Variants in PITPNB observed in about 807,000 individuals in gnomAD.
PITPNB encodes phosphatidylinositol transfer protein beta.
Under a neutral mutation model 45.9 loss-of-function variants are expected in PITPNB, and 16 were observed. The ratio of observed to expected loss-of-function variants is 0.35; its 90% CI spans 0.24 to 0.53. The LOEUF (loss-of-function observed/expected upper bound fraction) is 0.53, where lower values mean the gene tolerates loss of function less well. PITPNB is among the 20% of genes least tolerant of loss of function. The pLI, the probability that PITPNB is intolerant of heterozygous loss-of-function variation, is 0.93. For missense variants in PITPNB, 188 were observed against 330.5 expected (o/e 0.57, Z 3.34); for synonymous variants, 112 against 108.9 (o/e 1.03, Z -0.18).
chr22:27,896,498 T>G, intron 6 of PITPNB, 54 bp downstream of exon 6: 1 of 1,140,000 alleles, frequency 8.8e-7, no homozygotes, highest in Non-Finnish European at 1.3e-6. Flanking sequence ...GAACTACATA[T>G]AGAATTCTCG....
chr22:27,915,579 C>T (rs1458462714), intron 1 of PITPNB, among the ~76,000 whole-genome samples: 2 of 152,126 alleles, frequency 1.3e-5, no homozygotes, highest in East Asian at 3.9e-4. Context: ...ACTCCCTCCC[C>T]TTTGACTACT....
intron 3 of PITPNB, among the ~76,000 whole-genome samples, chr22:27,902,388 GT>G (rs1935622147): frequency 6.6e-6 from 1 of 152,154 alleles, no homozygotes; most frequent in African/African-American, 2.4e-5. Flanking sequence ...ACGTCACAGA[GT>G]TTAGATTTTA....
intron 8 of PITPNB, among the ~76,000 whole-genome samples, chr22:27,865,733 A>G (rs2146355910): frequency 6.6e-6 from 1 of 152,264 alleles, no homozygotes; most frequent in East Asian, 1.9e-4. Context: ...AGGAACAAAA[A>G]AGATAACTAT....
At chr22:27,866,545 A>G (rs1389421062) in intron 8 of PITPNB, among the ~76,000 whole-genome samples, 1 of 152,214 alleles carries the variant, frequency 6.6e-6, no homozygotes, top group African/African-American at 2.4e-5. Context: ...GAGATTTAAC[A>G]TTTTTTAAAA....
chr22:27,899,284 C>A (rs555353886), intron 3 of PITPNB, among the ~76,000 whole-genome samples: 9 of 152,190 alleles, frequency 5.9e-5, no homozygotes, highest in Non-Finnish European at 8.8e-5. Context: ...TTAATGTCTT[C>A]ACATCCTTAA....
At chr22:27,915,446 C>T (rs1381377501) in intron 1 of PITPNB, among the ~76,000 whole-genome samples, 1 of 151,806 alleles carries the variant, frequency 6.6e-6, no homozygotes, top group East Asian at 1.9e-4. Flanking sequence ...AGTAATAAAA[C>T]CCAGATTATA....
At chr22:27,882,343 C>T (rs1447347066) in intron 7 of PITPNB, among the ~76,000 whole-genome samples, 1 of 152,068 alleles carries the variant, frequency 6.6e-6, no homozygotes, top group Non-Finnish European at 1.5e-5. Context: ...ATGAAAAGAA[C>T]TAAATGTATG....
chr22:27,873,624 A>AT, intron 8 of PITPNB, 114 bp downstream of exon 8: 1 of 686,472 alleles, frequency 1.5e-6, no homozygotes, highest in Non-Finnish European at 2.6e-6. Context: ...AAATAAAACT[A>AT]TTTTTGTGCC....
chr22:27,909,477 A>G (rs752517889), intron 3 of PITPNB, among the ~76,000 whole-genome samples: 1 of 152,158 alleles, frequency 6.6e-6, no homozygotes, highest in Non-Finnish European at 1.5e-5. Context: ...CAATGAAGAA[A>G]GCATATGAAG....
chr22:27,883,843 A>G (rs1935041286), intron 7 of PITPNB, among the ~76,000 whole-genome samples: 1 of 152,178 alleles, frequency 6.6e-6, no homozygotes, highest in African/African-American at 2.4e-5. Context: ...TGGTCTCCAA[A>G]GGAGACCAAA....
At chr22:27,891,515 C>A (rs909789868) in intron 7 of PITPNB, among the ~76,000 whole-genome samples, 18 of 152,128 alleles carry the variant, frequency 1.2e-4, no homozygotes, top group African/African-American at 4.3e-4. Flanking sequence ...TGTGTTACCA[C>A]CCAAATCTCA....
At chr22:27,911,248 C>A in intron 2 of PITPNB, 139 bp from the exon 3 acceptor site, 1 of 564,126 alleles carries the variant, frequency 1.8e-6, no homozygotes. Context: ...TATGAAAACA[C>A]AACTCAAATT....
At chr22:27,860,797 T>C (rs1296837814) in intron 8 of PITPNB, among the ~76,000 whole-genome samples, 1 of 152,198 alleles carries the variant, frequency 6.6e-6, no homozygotes, top group Non-Finnish European at 1.5e-5. Context: ...AGACTTCAAT[T>C]TCCACAAATG....
At chr22:27,894,244 A>T in intron 7 of PITPNB, 1 of 207,844 alleles carries the variant, frequency 4.8e-6, no homozygotes, top group Non-Finnish European at 9.6e-6. Flanking sequence ...AGGGAGAATT[A>T]TTTTGTAAAC....
chr22:27,853,697 T>G, intron 11 of PITPNB, 34 bp from the exon 12 acceptor site: 1 of 1,465,632 alleles, frequency 6.8e-7, no homozygotes, highest in South Asian at 1.2e-5. Flanking sequence ...GCAAAATGTG[T>G]TAAAATACAG....
At chr22:27,896,724 G>A (rs879155664) in intron 5 of PITPNB, 98 bp from the exon 6 acceptor site, 1 of 746,696 alleles carries the variant, frequency 1.3e-6, no homozygotes, top group Non-Finnish European at 2.4e-6. Flanking sequence ...TCCATGCTTT[G>A]ACTCTACAAG....
intron 7 of PITPNB, among the ~76,000 whole-genome samples, chr22:27,883,778 G>A (rs2267122): frequency 0.012 from 1,856 of 152,302 alleles, 28 homozygotes; most frequent in East Asian, 0.069. Flanking sequence ...TGGACTAGTG[G>A]ACAGACCCAA....
At chr22:27,906,333 G>A (rs1935761780) in intron 3 of PITPNB, among the ~76,000 whole-genome samples, 1 of 152,224 alleles carries the variant, frequency 6.6e-6, no homozygotes, top group Non-Finnish European at 1.5e-5. Context: ...GTTAAGTTTA[G>A]CTTTATTTTG....
intron 5 of PITPNB, 65 bp from the exon 6 acceptor site, chr22:27,896,691 G>A: frequency 2.8e-6 from 3 of 1,087,198 alleles, no homozygotes; most frequent in Non-Finnish European, 4.2e-6. Context: ...CCACGTCTGA[G>A]GGAGCTTTTC....
Sources: allele counts gnomAD v4.1 joint callset (sites outside exome capture counted in the v4.1 genomes callset), GRCh38; gene constraint gnomAD v4.1.1; transcripts MANE v1.5; gene names NCBI Gene and HGNC (gene_info 2026-07-23, HGNC 2026-07-21).